DNAH17: variants seen among roughly 807,000 people sequenced by gnomAD.
The protein encoded by DNAH17 is dynein axonemal heavy chain 17.
In DNAH17, 376 loss-of-function variants were observed where a neutral mutation model predicts 485.6. That is an observed-to-expected ratio of 0.77 (90% CI 0.71 to 0.84). The LOEUF (loss-of-function observed/expected upper bound fraction) is 0.84. DNAH17 is among the 40% of genes least tolerant of loss of function. DNAH17 has a pLI of 0.00. For synonymous variants in DNAH17, 3,031 were observed against 2,405.9 expected (o/e 1.26, Z -7.60); for missense variants, 6,370 against 5,839.3 (o/e 1.09, Z -2.96).
intron 51 of DNAH17, among the ~76,000 whole-genome samples, chr17:78,478,598 G>A (rs1023721895): frequency 7.3e-6 from 1 of 136,776 alleles, no homozygotes; most frequent in Non-Finnish European, 1.5e-5. Flanking sequence ...CACTACCACT[G>A]TCACCACCAC....
At chr17:78,545,757 T>C (rs1474786158) in intron 16 of DNAH17, among the ~76,000 whole-genome samples, 3 of 152,202 alleles carry the variant, frequency 2.0e-5, no homozygotes, top group African/African-American at 4.8e-5. Flanking sequence ...ACTCTTCTAA[T>C]AGCTTTTGCT....
intron 63 of DNAH17, 112 bp downstream of exon 63, chr17:78,455,532 G>T: frequency 1.3e-6 from 1 of 762,862 alleles, no homozygotes; most frequent in Non-Finnish European, 2.0e-6. Context: ...TCACCATGTT[G>T]GCCAGGCTGC....
chr17:78,464,744 G>A (rs1005738596), intron 56 of DNAH17, among the ~76,000 whole-genome samples: 2 of 152,212 alleles, frequency 1.3e-5, no homozygotes, highest in Non-Finnish European at 2.9e-5. Context: ...CACGCTGCAT[G>A]TCCTCAGCCT....
intron 11 of DNAH17, among the ~76,000 whole-genome samples, chr17:78,564,623 G>A (rs991874307): frequency 6.6e-6 from 1 of 152,114 alleles, no homozygotes; most frequent in Admixed American, 6.6e-5. Context: ...GAAGGCTTAT[G>A]CTAGAGCGAA....
intron 54 of DNAH17, among the ~76,000 whole-genome samples, chr17:78,471,857 G>A (rs943831384): frequency 1.3e-5 from 2 of 151,986 alleles, no homozygotes; most frequent in Non-Finnish European, 2.9e-5. Flanking sequence ...ATCTCTACCC[G>A]CATCCTATCC....
rs763263643 is a variant in DNAH17 at position 78,460,284 on chromosome 17, T to C, written c.9340-27A>G. On this transcript the variant is annotated intron_variant, in intron 58 of 80. Transcript: ENST00000389840. ...TGGAAGGAAGATGGACAGGAGAGGT[T>C]ACTGCAGGCCTGTCCATGTGCCTGT... 6.4e-6 allele frequency: 10 copies of C among 1,555,806 alleles called. No homozygotes were observed. In the Middle Eastern group the frequency reaches 6.7e-4, roughly 104 times the overall value.
intron 25 of DNAH17, among the ~76,000 whole-genome samples, chr17:78,523,680 T>C (rs2090991410): frequency 6.6e-6 from 1 of 152,356 alleles, no homozygotes; most frequent in South Asian, 2.1e-4. Context: ...CTGAGACGGA[T>C]GGATCGCTTG....
chr17:78,438,451 A>AGG (rs371848512), intron 73 of DNAH17, among the ~76,000 whole-genome samples: 2 of 64,220 alleles, frequency 3.1e-5, no homozygotes, highest in Admixed American at 1.5e-4. Flanking sequence ...AGGAGGGAGG[A>AGG]GGGAGGAGGA....
At chr17:78,541,367 A>G (rs1276873666) in intron 17 of DNAH17, among the ~76,000 whole-genome samples, 1 of 143,272 alleles carries the variant, frequency 7.0e-6, no homozygotes, top group African/African-American at 2.6e-5. Context: ...TGTGGTGGGT[A>G]GATGTGTAAG....
At chr17:78,545,362 T>C (rs912189063) in intron 16 of DNAH17, among the ~76,000 whole-genome samples, 1 of 152,158 alleles carries the variant, frequency 6.6e-6, no homozygotes, top group Admixed American at 6.6e-5. Context: ...CAAAATACCA[T>C]ATACTAGGGG....
rs184728337 is a variant in DNAH17 at position 78,513,711 on chromosome 17, C to A, written c.4113+1063G>T. On this transcript the variant is annotated intron_variant, in intron 26 of 80. Coordinates refer to ENST00000389840, the MANE Select transcript of DNAH17 (RefSeq NM_173628.4). ...TCGGCCTCCCAAGGTGCTGGGATTA[C>A]AGGCATGAGCCACCGCACCCGGCTT... Among the ~76,000 whole-genome samples, 3 of 152,362 alleles carry A rather than the reference C, an allele frequency of 2.0e-5. No individual in the cohort carries two copies. In the East Asian group the frequency reaches 5.8e-4, roughly 29 times the overall value.
intron 24 of DNAH17, 143 bp downstream of exon 24, chr17:78,526,508 A>G (rs2091077805): frequency 1.1e-5 from 7 of 660,634 alleles, no homozygotes; most frequent in African/African-American, 3.6e-5. Flanking sequence ...ATGTGCATGC[A>G]TACACATAAG....
At chr17:78,467,344 G>A (rs185080644) in intron 55 of DNAH17, among the ~76,000 whole-genome samples, 4 of 152,272 alleles carry the variant, frequency 2.6e-5, no homozygotes, top group East Asian at 3.9e-4. Context: ...GTCCCCTTTC[G>A]TGGCATAGGT....
chr17:78,480,048 T>TTTTTTTA lies in DNAH17; in HGVS notation c.7753-417_7753-416insTAAAAAA, dbSNP rs1568122402. On this transcript the variant is annotated intron_variant, in intron 49 of 80. Transcript: ENST00000389840. ...TTTTTTTTTTTTTTTTTTTTTTTTT[T>TTTTTTTA]TAAAAAAAGTATGTCCCAGGCCGGG... 6.4e-5 allele frequency among the ~76,000 whole-genome samples: 6 copies of TTTTTTTA among 94,346 alleles called. 2 individuals are homozygous for TTTTTTTA. The highest frequency in any genetic ancestry group is 3.7e-4 in the African/African-American group (6 of 16,192). 61.9% of individuals were successfully genotyped at this position (94,346 alleles called of 152,430 possible). A position where few individuals can be genotyped will look rare whatever the true frequency, so the allele number is the denominator to read the frequency against.
At position 78,444,766 on chromosome 17, in the gene DNAH17, A is replaced by G. The variant is rs1193293554; in HGVS notation, c.11366T>C (p.Leu3789Pro). 2 of 1,590,416 alleles carry G rather than the reference A, an allele frequency of 1.3e-6. No individual in the cohort carries two copies. Among genetic ancestry groups the G allele is most frequent in the East Asian group, 2.2e-5 (1 of 44,678 alleles). The stretch of plus-strand genomic sequence containing the variant: ...GGCAGATCCTTCGATGTCACTGTCC[A>G]GATTTTTGAACTCATCCATCTCCGA... The part of the protein sequence containing the change: ...ALSEMDEFKN[L>P]DSDIEGSAKR... The change falls in exon 71 of 81, where the codon CTG becomes CCG. Residue 3789 changes from leucine to proline, a missense_variant. Leu to Pro is a moderately conservative substitution (Grantham distance 98). Transcript: ENST00000389840.
At chr17:78,558,920 G>A (rs1280744899) in intron 13 of DNAH17, among the ~76,000 whole-genome samples, 1 of 152,028 alleles carries the variant, frequency 6.6e-6, no homozygotes, top group Admixed American at 6.6e-5. Flanking sequence ...TCATGGGATC[G>A]CCCAGCCGCT....
Position 78,475,723 on chromosome 17 carries a change from C to T in DNAH17, c.8265G>A (p.Lys2755=). 3 of 1,613,862 alleles carry T rather than the reference C, an allele frequency of 1.9e-6. No homozygotes were observed. The highest frequency in any genetic ancestry group is 1.3e-5 in the African/African-American group (1 of 75,026). Residue 2755 remains lysine (K), a synonymous_variant, in exon 53 of 81, where the codon AAG becomes AAA. Coordinates refer to ENST00000389840, the MANE Select transcript of DNAH17 (RefSeq NM_173628.4). ...VPVTDMAPLN[K]LLVDVLDSYN... ...AGCTGTCCAGGACGTCCACGAGGAGCTTGTTCAGAGGAGCCATGTCGGTTA... is the reference window on the plus strand; with the variant it reads ...AGCTGTCCAGGACGTCCACGAGGAGTTTGTTCAGAGGAGCCATGTCGGTTA...
intron 11 of DNAH17, among the ~76,000 whole-genome samples, chr17:78,566,335 G>A (rs535678899): frequency 6.6e-6 from 1 of 152,246 alleles, no homozygotes; most frequent in Non-Finnish European, 1.5e-5. Context: ...AAGAATAAAT[G>A]GTCCCCTTGT....
At position 78,539,865 on chromosome 17, in the gene DNAH17, A is replaced by G; in HGVS notation, c.2548T>C (p.Phe850Leu). ...QAMVAENAELFRADTLSLPWK... is the reference protein window; with the variant it reads ...QAMVAENAELLRADTLSLPWK... The stretch of plus-strand genomic sequence containing the variant: ...GGCAGGCTCAGTGTGTCTGCCCTGA[A>G]TAGTTCTGCGTTTTCCTGCAAACAG... The change falls in exon 18 of 81, where the codon TTC (phenylalanine) becomes CTC (leucine). Residue 850 changes from phenylalanine to leucine, a missense_variant. By Grantham distance (22) the Phe-to-Leu change is conservative (BLOSUM62 0). Transcript: ENST00000389840. 6.3e-7 allele frequency: 1 copy of G among 1,590,332 alleles called. No homozygotes were observed. Among genetic ancestry groups the G allele is most frequent in the Non-Finnish European group, 8.5e-7 (1 of 1,172,078 alleles).
Sources: allele counts gnomAD v4.1 joint callset (sites outside exome capture counted in the v4.1 genomes callset), GRCh38; gene constraint gnomAD v4.1.1; transcripts MANE v1.5; gene names NCBI Gene and HGNC (gene_info 2026-07-23, HGNC 2026-07-21).